Variants in CLSTN2 observed in about 807,000 individuals in gnomAD.
CLSTN2 encodes the protein calsyntenin 2, also known as calsyntenin-2.
In CLSTN2, 48 loss-of-function variants were observed where a neutral mutation model predicts 101.2. That is an observed-to-expected ratio of 0.47 (90% CI 0.38 to 0.60). CLSTN2 has a LOEUF of 0.60. Among genes scored for constraint, CLSTN2 ranks in the 20% least tolerant of loss-of-function variants. The probability of loss-of-function intolerance (pLI) is 0.00; values close to 1 mark genes in which losing one functional copy is unlikely to be tolerated. For synonymous variants in CLSTN2, 481 were observed against 463.6 expected (o/e 1.04, Z -0.48); for missense variants, 1,160 against 1,238.2 (o/e 0.94, Z 0.95).
intron 1 of CLSTN2, among the ~76,000 whole-genome samples, chr3:139,995,072 C>A (rs1936179834): frequency 6.6e-6 from 1 of 152,120 alleles, no homozygotes; most frequent in Non-Finnish European, 1.5e-5. Context: ...CGGAGTAGCT[C>A]TGGGGACAAT....
chr3:140,450,669 A>G (rs1166903384), intron 6 of CLSTN2, among the ~76,000 whole-genome samples: 1 of 151,954 alleles, frequency 6.6e-6, no homozygotes, highest in African/African-American at 2.4e-5. Flanking sequence ...CCTCTCCACT[A>G]TTATCTTTGG....
intron 1 of CLSTN2, among the ~76,000 whole-genome samples, chr3:139,976,120 T>A (rs1195456564): frequency 6.6e-6 from 1 of 152,222 alleles, no homozygotes; most frequent in Non-Finnish European, 1.5e-5. Context: ...TCCAACACTC[T>A]GTCACCAAAT....
At chr3:140,311,472 A>ATTTT (rs1241981397) in intron 2 of CLSTN2, among the ~76,000 whole-genome samples, 1 of 129,698 alleles carries the variant, frequency 7.7e-6, no homozygotes, top group Non-Finnish European at 1.6e-5. Flanking sequence ...TGCCTGGCTA[A>ATTTT]TTTTTTTTTT....
chr3:140,097,410 C>T (rs570388653), intron 1 of CLSTN2, among the ~76,000 whole-genome samples: 1 of 152,260 alleles, frequency 6.6e-6, no homozygotes, highest in East Asian at 1.9e-4. Context: ...TTTCAGCCTA[C>T]CATTTTTCTT....
At chr3:140,456,223 G>A (rs60875933) in intron 6 of CLSTN2, among the ~76,000 whole-genome samples, 36,075 of 152,100 alleles carry the variant, frequency 0.24, 5,565 homozygotes, top group African/African-American at 0.43. Flanking sequence ...TGAGCAGAAG[G>A]TTACAAGATC....
chr3:139,949,103 A>G (rs7642260), intron 1 of CLSTN2, among the ~76,000 whole-genome samples: 90,771 of 152,000 alleles, frequency 0.6, 31,216 homozygotes, highest in East Asian at 0.8. Flanking sequence ...CGCTGTCAGC[A>G]TTTCTGGGAA....
At chr3:140,314,200 C>T (rs748010326) in intron 2 of CLSTN2, among the ~76,000 whole-genome samples, 2 of 152,160 alleles carry the variant, frequency 1.3e-5, no homozygotes, top group Admixed American at 6.5e-5. Flanking sequence ...AAGCCAAGCT[C>T]CTAGGAAAAA....
chr3:140,247,365 G>A (rs2086526744), intron 2 of CLSTN2, among the ~76,000 whole-genome samples: 1 of 152,162 alleles, frequency 6.6e-6, no homozygotes, highest in Non-Finnish European at 1.5e-5. Context: ...TTTAGTTCCA[G>A]GAAAACAGGA....
intron 2 of CLSTN2, among the ~76,000 whole-genome samples, chr3:140,242,177 A>G (rs1447533736): frequency 1.3e-5 from 2 of 152,102 alleles, no homozygotes; most frequent in East Asian, 3.9e-4. Flanking sequence ...CTCCCCAAGT[A>G]CTGGGATTAT....
At chr3:140,553,266 A>G (rs938913871) in intron 10 of CLSTN2, among the ~76,000 whole-genome samples, 11 of 152,264 alleles carry the variant, frequency 7.2e-5, no homozygotes, top group Non-Finnish European at 1.2e-4. Context: ...CATAATTACA[A>G]TAGTAAGAAT....
intron 8 of CLSTN2, among the ~76,000 whole-genome samples, chr3:140,514,185 G>C (rs1325561861): frequency 6.6e-6 from 1 of 151,958 alleles, no homozygotes; most frequent in African/African-American, 2.4e-5. Context: ...GTGGCGTTTG[G>C]CTACATGAAT....
chr3:139,994,220 G>A (rs1936163725), intron 1 of CLSTN2, among the ~76,000 whole-genome samples: 1 of 152,184 alleles, frequency 6.6e-6, no homozygotes, highest in African/African-American at 2.4e-5. Context: ...TTTGGGCACT[G>A]TATCTTCCTG....
chr3:140,566,489 G>C lies in CLSTN2; in HGVS notation c.*236G>C. 1 of 562,340 alleles carries C rather than the reference G, an allele frequency of 1.8e-6. No individual in the cohort carries two copies. The highest frequency in any genetic ancestry group is 3.2e-6 in the Non-Finnish European group (1 of 315,246). The allele number at this position is 562,340 out of a possible 1,614,324, so 34.8% of individuals were successfully genotyped here. The stretch of plus-strand genomic sequence containing the variant: ...ACTTCAGGGTAGACTTTGTCCTGTA[G>C]CCTCCACTTCTGCCCTAAGTTCCCC... On this transcript the variant is annotated 3_prime_UTR_variant, in exon 17 of 17. Coordinates refer to ENST00000458420, the MANE Select transcript of CLSTN2 (RefSeq NM_022131.3).
chr3:140,554,626 G>A (rs894546771), intron 10 of CLSTN2, among the ~76,000 whole-genome samples: 7 of 152,190 alleles, frequency 4.6e-5, no homozygotes, highest in Non-Finnish European at 1.0e-4. Flanking sequence ...AGTTAAAAGT[G>A]CATATACTCT....
At chr3:140,178,978 G>A (rs2010366023) in intron 2 of CLSTN2, among the ~76,000 whole-genome samples, 1 of 151,884 alleles carries the variant, frequency 6.6e-6, no homozygotes, top group African/African-American at 2.4e-5. Flanking sequence ...TCTCTTATCT[G>A]TCTCCCCCTT....
At chr3:140,167,518 A>T (rs1425175972) in intron 1 of CLSTN2, among the ~76,000 whole-genome samples, 1 of 152,152 alleles carries the variant, frequency 6.6e-6, no homozygotes, top group Non-Finnish European at 1.5e-5. Context: ...TGAGTACTAA[A>T]ACTTTGTTCT....
intron 9 of CLSTN2, among the ~76,000 whole-genome samples, chr3:140,540,481 A>G (rs1341436505): frequency 1.3e-5 from 2 of 152,212 alleles, no homozygotes; most frequent in Non-Finnish European, 2.9e-5. Flanking sequence ...ACAGGTATCT[A>G]CATCACTGAA....
chr3:140,239,322 G>A (rs911161326), intron 2 of CLSTN2, among the ~76,000 whole-genome samples: 3 of 152,122 alleles, frequency 2.0e-5, no homozygotes, highest in Admixed American at 1.3e-4. Flanking sequence ...ACATATGTGA[G>A]CTCAATTTAT....
At chr3:140,541,701 G>A (rs1247409603) in intron 9 of CLSTN2, among the ~76,000 whole-genome samples, 5 of 152,170 alleles carry the variant, frequency 3.3e-5, no homozygotes, top group African/African-American at 1.2e-4. Context: ...GCAGGCTTCA[G>A]ATGTCTCTGC....
Sources: gnomAD v4.1 joint callset for allele counts (sites outside exome capture counted in the v4.1 genomes callset) on GRCh38, gnomAD v4.1.1 for gene constraint, MANE v1.5 for transcripts, NCBI Gene and HGNC (gene_info 2026-07-23, HGNC 2026-07-21) for gene names.